Variants in UNC5C observed in about 807,000 individuals in gnomAD.
The protein encoded by UNC5C is netrin receptor UNC5C.
Under a neutral mutation model 99.8 loss-of-function variants are expected in UNC5C, and 47 were observed. That is an observed-to-expected ratio of 0.47 (90% CI 0.37 to 0.60). The LOEUF (loss-of-function observed/expected upper bound fraction) is 0.60. Among genes scored for constraint, UNC5C ranks in the 20% least tolerant of loss-of-function variants. The pLI is 0.00. For synonymous variants in UNC5C, 487 were observed against 452.2 expected (o/e 1.08, Z -0.98); for missense variants, 1,062 against 1,165.9 (o/e 0.91, Z 1.30).
intron 1 of UNC5C, among the ~76,000 whole-genome samples, chr4:95,435,928 C>G (rs1746771459): frequency 6.6e-6 from 1 of 151,992 alleles, no homozygotes; most frequent in South Asian, 2.1e-4. Context: ...CCCACAAACT[C>G]TTGTGATTTT....
chr4:95,350,254 G>T (rs767215150), intron 1 of UNC5C, among the ~76,000 whole-genome samples: 1 of 152,078 alleles, frequency 6.6e-6, no homozygotes, highest in African/African-American at 2.4e-5. Context: ...TTGGGAGGCC[G>T]AAGTGGGCAG....
At chr4:95,496,422 T>C (rs1264880873) in intron 1 of UNC5C, among the ~76,000 whole-genome samples, 2 of 151,806 alleles carry the variant, frequency 1.3e-5, no homozygotes, top group African/African-American at 4.8e-5. Context: ...TTTAAATATA[T>C]AGAAGGGAAA....
intron 2 of UNC5C, among the ~76,000 whole-genome samples, chr4:95,304,728 G>A (rs1290147442): frequency 6.6e-6 from 1 of 152,144 alleles, no homozygotes; most frequent in Non-Finnish European, 1.5e-5. Context: ...TGATAAATTT[G>A]CAATATGTGT....
intron 1 of UNC5C, among the ~76,000 whole-genome samples, chr4:95,403,402 A>T (rs752857744): frequency 2.0e-5 from 3 of 152,188 alleles, no homozygotes; most frequent in Non-Finnish European, 4.4e-5. Flanking sequence ...GAACCAGCTC[A>T]GTGTGGAGAT....
chr4:95,219,940 C>T (rs1268500415), intron 8 of UNC5C, 45 bp downstream of exon 8: 1 of 1,580,228 alleles, frequency 6.3e-7, no homozygotes, highest in Non-Finnish European at 8.6e-7. Flanking sequence ...TTTGAAACTG[C>T]TTACATGCAT....
intron 8 of UNC5C, among the ~76,000 whole-genome samples, chr4:95,219,760 T>C (rs563086456): frequency 6.6e-6 from 1 of 152,228 alleles, no homozygotes; most frequent in South Asian, 2.1e-4. Context: ...CGATTAGAAG[T>C]TAAAAAGTGA....
chr4:95,351,904 T>C (rs1744005905), intron 1 of UNC5C, among the ~76,000 whole-genome samples: 2 of 152,150 alleles, frequency 1.3e-5, no homozygotes, highest in South Asian at 4.1e-4. Flanking sequence ...CTGCACCAAC[T>C]CTCTCCTTTT....
At chr4:95,505,805 C>T (rs1488300261) in intron 1 of UNC5C, among the ~76,000 whole-genome samples, 1 of 151,950 alleles carries the variant, frequency 6.6e-6, no homozygotes, top group Non-Finnish European at 1.5e-5. Context: ...AAGGCAAACA[C>T]CATAGTTTCT....
At chr4:95,511,911 G>T (rs1439057966) in intron 1 of UNC5C, among the ~76,000 whole-genome samples, 3 of 152,176 alleles carry the variant, frequency 2.0e-5, no homozygotes, top group African/African-American at 7.2e-5. Context: ...TCTGGAAGAA[G>T]ATTCAAGGGA....
chr4:95,547,152 T>C (rs1325114208), intron 1 of UNC5C, among the ~76,000 whole-genome samples: 4 of 151,934 alleles, frequency 2.6e-5, no homozygotes, highest in Non-Finnish European at 5.9e-5. Context: ...GATTCCTTTT[T>C]AAATAGACAG....
intron 14 of UNC5C, among the ~76,000 whole-genome samples, chr4:95,181,779 A>T (rs1736622904): frequency 6.6e-6 from 1 of 152,216 alleles, no homozygotes; most frequent in Non-Finnish European, 1.5e-5. Context: ...GAAAGAAAGA[A>T]GGATGGAGTG....
intron 2 of UNC5C, among the ~76,000 whole-genome samples, chr4:95,323,950 C>T (rs1003104564): frequency 1.3e-5 from 2 of 152,000 alleles, no homozygotes; most frequent in African/African-American, 4.8e-5. Flanking sequence ...GCAGGAGAAT[C>T]GCTTGAACCC....
intron 1 of UNC5C, among the ~76,000 whole-genome samples, chr4:95,353,312 A>G (rs1315637781): frequency 6.6e-6 from 1 of 152,166 alleles, no homozygotes; most frequent in Admixed American, 6.6e-5. Context: ...TTCAAGAACT[A>G]TGAAGAAAAT....
chr4:95,499,258 A>G (rs1721708876), intron 1 of UNC5C, among the ~76,000 whole-genome samples: 1 of 152,090 alleles, frequency 6.6e-6, no homozygotes, highest in African/African-American at 2.4e-5. Context: ...CCCTTAGGCA[A>G]CTGCAGACCT....
chr4:95,228,532 C>A (rs1444416809), intron 7 of UNC5C, among the ~76,000 whole-genome samples: 1 of 152,170 alleles, frequency 6.6e-6, no homozygotes, highest in Non-Finnish European at 1.5e-5. Context: ...CCTAATTTAA[C>A]CCTTTGAGTA....
At chr4:95,515,944 G>A (rs1224018411) in intron 1 of UNC5C, among the ~76,000 whole-genome samples, 1 of 152,126 alleles carries the variant, frequency 6.6e-6, no homozygotes, top group East Asian at 1.9e-4. Flanking sequence ...TATTTTGTAT[G>A]TATGCATATA....
intron 12 of UNC5C, among the ~76,000 whole-genome samples, chr4:95,186,581 A>G (rs184650400): frequency 1.1e-4 from 17 of 152,328 alleles, no homozygotes; most frequent in Admixed American, 8.5e-4. Flanking sequence ...TGGTGAGGCA[A>G]CTATTCTGAA....
At chr4:95,518,277 T>A (rs1357196155) in intron 1 of UNC5C, among the ~76,000 whole-genome samples, 1 of 152,154 alleles carries the variant, frequency 6.6e-6, no homozygotes, top group Non-Finnish European at 1.5e-5. Context: ...TAGCACCCAA[T>A]ATTTACATTG....
At chr4:95,250,383 T>A in intron 5 of UNC5C, 104 bp downstream of exon 5, 1 of 1,262,478 alleles carries the variant, frequency 7.9e-7, no homozygotes, top group South Asian at 1.5e-5. Flanking sequence ...AGACCCTGTC[T>A]CAAATAATAT....
Sources: gnomAD v4.1 joint callset for allele counts (sites outside exome capture counted in the v4.1 genomes callset) on GRCh38, gnomAD v4.1.1 for gene constraint, MANE v1.5 for transcripts, NCBI Gene and HGNC (gene_info 2026-07-23, HGNC 2026-07-21) for gene names.